Variants in GALNT5 observed in about 807,000 individuals in gnomAD.
GALNT5 encodes the protein polypeptide N-acetylgalactosaminyltransferase 5.
In GALNT5, 72 loss-of-function variants were observed where a neutral mutation model predicts 85.4. That is an observed-to-expected ratio of 0.84 (90% confidence interval 0.70 to 1.03). GALNT5 has a LOEUF of 1.03. Ranked by LOEUF, GALNT5 falls within the 50% of genes least tolerant of loss-of-function variation. The probability of loss-of-function intolerance (pLI) is 0.00; values close to 1 mark genes in which losing one functional copy is unlikely to be tolerated. For missense variants in GALNT5, 1,137 were observed against 1,135.5 expected, an observed-to-expected ratio of 1.00 and a Z score of -0.02; for synonymous variants, 404 against 397.0, an observed-to-expected ratio of 1.02 and a Z score of -0.21.
intron 9 of GALNT5, among the ~76,000 whole-genome samples, chr2:157,310,867 C>T (rs1019884603): frequency 1.3e-5 from 2 of 152,016 alleles, no homozygotes; most frequent in Admixed American, 6.6e-5. Context: ...CTTTCTTTAC[C>T]ATCAATGAAG....
Position 157,259,010 on chromosome 2 carries a change from G to T in GALNT5, c.928G>T (p.Ala310Ser). The change falls in exon 1 of 10, where the codon GCT (alanine) becomes TCT (serine). Residue 310 changes from alanine to serine, a missense_variant. By Grantham distance (99) the Ala-to-Ser change is moderately conservative. Coordinates refer to ENST00000259056, the MANE Select transcript of GALNT5 (RefSeq NM_014568.3). Reference sequence around the variant, plus strand: ...GTCAAAGGATGATGGAGCTAGAGGGGCTCATGGGAAGAAACTCAATTTCTC... The same window carrying T: ...GTCAAAGGATGATGGAGCTAGAGGGTCTCATGGGAAGAAACTCAATTTCTC... Reference protein sequence around the residue: ...SLSKDDGARGAHGKKLNFSES... With the variant: ...SLSKDDGARGSHGKKLNFSES... The T allele has an allele frequency of 6.8e-7, 1 of 1,480,108 alleles. No homozygotes were observed. The highest frequency in any genetic ancestry group is 2.3e-5 in the East Asian group (1 of 43,420). The allele number at this position is 1,480,108 out of a possible 1,614,324, so 91.7% of individuals were successfully genotyped here.
chr2:157,273,630 CTTTTTTTT>C lies in GALNT5; in HGVS notation c.1455-10630_1455-10623del, dbSNP rs35430045. On this transcript the variant is annotated intron_variant, in intron 1 of 9. Coordinates refer to ENST00000259056, the MANE Select transcript of GALNT5 (RefSeq NM_014568.3). ...TTATTTGAAAACAGCATATTTCTTG[CTTTTTTTT>C]TTTTTTTTTTTTTTTTTTTTTGAGA... Among the ~76,000 whole-genome samples, 5 of 23,744 alleles carry C rather than the reference CTTTTTTTT, an allele frequency of 2.1e-4. No homozygotes were observed. In the South Asian group the frequency reaches 3.2e-3, roughly 15 times the overall value. The allele number at this position is 23,744 out of a possible 152,430, so 15.6% of individuals were successfully genotyped here.
chr2:157,258,517 C>T lies in GALNT5; in HGVS notation c.435C>T (p.Asp145=), dbSNP rs150509830. The T allele has an allele frequency of 4.3e-4, 695 of 1,611,234 alleles. 1 individual carries two copies. In the African/African-American group the frequency reaches 7.1e-3, roughly 16 times the overall value. ...LPVTPNKQKT[D]GRGTKPEASS... Reference sequence around the variant, plus strand: ...TGACTCCTAACAAGCAGAAGACAGACGGGAGAGGCACCAAACCTGAAGCCT... The same window carrying T: ...TGACTCCTAACAAGCAGAAGACAGATGGGAGAGGCACCAAACCTGAAGCCT... Residue 145 remains aspartate, a synonymous_variant, in exon 1 of 10, where the codon GAC becomes GAT. Coordinates refer to ENST00000259056, the MANE Select transcript of GALNT5 (RefSeq NM_014568.3).
intron 1 of GALNT5, among the ~76,000 whole-genome samples, chr2:157,276,893 G>T (rs1432841617): frequency 6.6e-6 from 1 of 152,108 alleles, no homozygotes; most frequent in Non-Finnish European, 1.5e-5. Context: ...TGCTTGTCTA[G>T]TTCTTTTAAT....
chr2:157,279,142 G>A (rs1310220057), intron 1 of GALNT5, among the ~76,000 whole-genome samples: 2 of 152,228 alleles, frequency 1.3e-5, no homozygotes, highest in Admixed American at 6.5e-5. Flanking sequence ...GGTATCACCA[G>A]TGGAGGCTGC....
rs757557702 is a variant in GALNT5, at chr2:157,258,319, G to A, written c.237G>A (p.Arg79=). 1.3e-6 allele frequency: 2 copies of A among 1,597,640 alleles called. No homozygotes were observed. Among genetic ancestry groups the A allele is most frequent in the Non-Finnish European group, 1.7e-6 (2 of 1,174,042 alleles). The change falls in exon 1 of 10, where the codon AGG becomes AGA. Residue 79 remains arginine (R), a synonymous_variant. Transcript: ENST00000259056. ...SSIKEMKPPL[R]GHGKGAWGKE... is the part of the protein sequence containing the mutation. ...TAAAAGAGATGAAACCTCCCCTAAG[G>A]GGACATGGGAAAGGGGCATGGGGCA...
At chr2:157,268,859 T>C (rs555088559) in intron 1 of GALNT5, among the ~76,000 whole-genome samples, 1 of 152,272 alleles carries the variant, frequency 6.6e-6, no homozygotes, top group South Asian at 2.1e-4. Flanking sequence ...AATACCTAAT[T>C]TGTATAATAA....
chr2:157,301,101 C>A, intron 7 of GALNT5, 102 bp downstream of exon 7: 1 of 809,384 alleles, frequency 1.2e-6, no homozygotes, highest in Non-Finnish European at 2.0e-6. Context: ...TATAAATAAA[C>A]ACCAAGTATG....
intron 9 of GALNT5, among the ~76,000 whole-genome samples, 183 bp downstream of exon 9, chr2:157,308,911 T>TG (rs920788200): frequency 1.1e-4 from 16 of 151,996 alleles, no homozygotes; most frequent in African/African-American, 3.9e-4. Context: ...TCCTTTTTTT[T>TG]TTATTTTTCA....
At chr2:157,266,405 C>T (rs550563564) in intron 1 of GALNT5, among the ~76,000 whole-genome samples, 2 of 152,324 alleles carry the variant, frequency 1.3e-5, no homozygotes, top group African/African-American at 4.8e-5. Flanking sequence ...CCACCTCCAG[C>T]AACTCTCCCC....
At chr2:157,265,789 A>G (rs1343065065) in intron 1 of GALNT5, among the ~76,000 whole-genome samples, 1 of 152,184 alleles carries the variant, frequency 6.6e-6, no homozygotes, top group Non-Finnish European at 1.5e-5. Flanking sequence ...TAGAAGCTGT[A>G]TTTTGCTGTT....
At chr2:157,291,633 A>ACCCCC (rs10650005) in intron 3 of GALNT5, among the ~76,000 whole-genome samples, 2,944 of 113,560 alleles carry the variant, frequency 0.026, no homozygotes, top group Non-Finnish European at 0.042. Flanking sequence ...GTTACCACCC[A>ACCCCC]CCCCCCCCCA....
In GALNT5 at chr2:157,294,680, C is replaced by T. The variant is rs547720480; in HGVS notation, c.1742-983C>T. Among the ~76,000 whole-genome samples, 26 of 152,026 alleles carry T rather than the reference C, an allele frequency of 1.7e-4. 1 individual carries two copies. The highest frequency in any genetic ancestry group is 6.3e-4 in the African/African-American group (26 of 41,442). On this transcript the variant is annotated intron_variant, in intron 3 of 9. Transcript: ENST00000259056. ...CCCCCATGAGCCCCAGTAGGTAGAG[C>T]CTTTGTATTACCTGTGGTTGGGCCT...
At chr2:157,292,190 G>A (rs1370647760) in intron 3 of GALNT5, among the ~76,000 whole-genome samples, 13 of 152,138 alleles carry the variant, frequency 8.5e-5, no homozygotes, top group Non-Finnish European at 5.9e-5. Context: ...AGCTCGGATT[G>A]AAGGCTGTTG....
chr2:157,278,033 T>C, intron 1 of GALNT5, among the ~76,000 whole-genome samples: 1 of 152,250 alleles, frequency 6.6e-6, no homozygotes, highest in East Asian at 1.9e-4. Flanking sequence ...ACAAAATCTC[T>C]CAGCATTTGC....
intron 3 of GALNT5, among the ~76,000 whole-genome samples, chr2:157,291,828 T>C (rs923659538): frequency 3.3e-5 from 5 of 152,102 alleles, no homozygotes. Flanking sequence ...TGTAGCACTA[T>C]AGGGTCACTA....
In GALNT5 at chr2:157,311,830, G is replaced by C. The variant is rs1683579280; in HGVS notation, c.*482G>C. 6.5e-6 allele frequency: 1 copy of C among 152,832 alleles called. No individual in the cohort carries two copies. The highest frequency in any genetic ancestry group is 1.5e-5 in the Non-Finnish European group (1 of 68,570). The allele number at this position is 152,832 out of a possible 1,614,324, so 9.5% of individuals were successfully genotyped here. ...TAGAAGACCTCAGATGCCCACAGCT[G>C]TCACGTTTGTGAAATCCCTCCAGAC... On this transcript the variant is annotated 3_prime_UTR_variant, in exon 10 of 10. Coordinates refer to ENST00000259056, the MANE Select transcript of GALNT5 (RefSeq NM_014568.3).
intron 1 of GALNT5, among the ~76,000 whole-genome samples, chr2:157,274,970 C>G (rs1002817370): frequency 6.6e-6 from 1 of 152,128 alleles, no homozygotes; most frequent in African/African-American, 2.4e-5. Flanking sequence ...TTAGGTCTAA[C>G]GTTTAAGTCT....
At chr2:157,299,724 G>A (rs200418403) in intron 6 of GALNT5, 59 bp downstream of exon 6, 2 of 927,118 alleles carry the variant, frequency 2.2e-6, no homozygotes, top group Non-Finnish European at 3.4e-6. Flanking sequence ...ATTTTAAATG[G>A]TTTGATTTTA....
Sources: gnomAD v4.1 joint callset for allele counts (sites outside exome capture counted in the v4.1 genomes callset) on GRCh38, gnomAD v4.1.1 for gene constraint, MANE v1.5 for transcripts, NCBI Gene and HGNC (gene_info 2026-07-23, HGNC 2026-07-21) for gene names.